The following FMN1 variants were observed in gnomAD, a reference collection of about 807,000 sequenced individuals.
FMN1 encodes formin 1.
A neutral mutation model predicts 132.4 loss-of-function variants in FMN1; 110 were observed. The ratio of observed to expected loss-of-function variants is 0.83; its 90% CI spans 0.71 to 0.97. The LOEUF (loss-of-function observed/expected upper bound fraction) is 0.97. FMN1 is among the 50% of genes least tolerant of loss of function. The probability of loss-of-function intolerance (pLI) is 0.00; values close to 1 mark genes in which losing one functional copy is unlikely to be tolerated. For missense variants in FMN1, 1,792 were observed against 1,705.3 expected (o/e 1.05, Z -0.90); for synonymous variants, 722 against 651.7 (o/e 1.11, Z -1.64).
chr15:33,127,891 T>C (rs1188365375), intron 4 of FMN1, among the ~76,000 whole-genome samples: 1 of 151,930 alleles, frequency 6.6e-6, no homozygotes, highest in Non-Finnish European at 1.5e-5. Flanking sequence ...CTTATGCCTC[T>C]CTTTATTCTA....
chr15:32,899,739 A>G (rs2060248938), intron 14 of FMN1: 1 of 554,520 alleles, frequency 1.8e-6, no homozygotes, highest in African/African-American at 1.9e-5. Context: ...TGTATGTCAG[A>G]GCACACGAAG....
intron 19 of FMN1, among the ~76,000 whole-genome samples, chr15:32,784,143 A>C (rs1031356022): frequency 3.9e-5 from 6 of 152,170 alleles, no homozygotes; most frequent in Admixed American, 3.9e-4. Flanking sequence ...AAGAGTGTTC[A>C]GGCTGCTTTA....
chr15:32,820,518 C>A (rs1034109949), intron 17 of FMN1, among the ~76,000 whole-genome samples: 2 of 151,554 alleles, frequency 1.3e-5, no homozygotes, highest in African/African-American at 4.8e-5. Context: ...TCCCCCAACA[C>A]ATATATATAT....
chr15:33,021,766 T>C (rs545357689), intron 6 of FMN1, among the ~76,000 whole-genome samples: 1 of 152,328 alleles, frequency 6.6e-6, no homozygotes, highest in South Asian at 2.1e-4. Flanking sequence ...TCTTTTCTGT[T>C]ACCCTTGTTT....
intron 4 of FMN1, among the ~76,000 whole-genome samples, chr15:33,121,687 C>T (rs111445153): frequency 0.057 from 8,648 of 151,308 alleles, 268 homozygotes; most frequent in Middle Eastern, 0.11. Flanking sequence ...AGCCACCATG[C>T]CCAGCTTCTT....
At chr15:33,184,792 C>A (rs1965823871) in intron 2 of FMN1, among the ~76,000 whole-genome samples, 1 of 152,194 alleles carries the variant, frequency 6.6e-6, no homozygotes, top group Non-Finnish European at 1.5e-5. Context: ...GTAAGAACCA[C>A]CGCGCCCAGC....
intron 6 of FMN1, among the ~76,000 whole-genome samples, chr15:33,048,645 A>AAAAAAAAAAAAAC (rs1566865413): frequency 1.2e-5 from 1 of 83,130 alleles, no homozygotes; most frequent in African/African-American, 4.3e-5. Flanking sequence ...AAAAAAAAAA[A>AAAAAAAAAAAAAC]AAAACCAACA....
rs559479451 is a variant in FMN1 at position 32,807,095 on chromosome 15, T to C, written c.3929-2763A>G. ...TCATTTTAGCTTAAAAATGCATATATTGGATAAAGCTTGCTTAAAAAGAGA... is the reference window on the plus strand; with the variant it reads ...TCATTTTAGCTTAAAAATGCATATACTGGATAAAGCTTGCTTAAAAAGAGA... On this transcript the variant is annotated intron_variant, in intron 17 of 20. Transcript: ENST00000616417. Among the ~76,000 whole-genome samples the C allele has an allele frequency of 5.3e-5, 8 of 152,322 alleles. No individual in the cohort carries two copies. In the South Asian group the frequency reaches 8.3e-4, roughly 16 times the overall value.
At chr15:32,866,034 G>C (rs1165574787) in intron 16 of FMN1, among the ~76,000 whole-genome samples, 2 of 151,758 alleles carry the variant, frequency 1.3e-5, no homozygotes, top group Non-Finnish European at 2.9e-5. Flanking sequence ...TGGTACATTA[G>C]AAAAATTTCC....
chr15:32,784,450 T>A (rs916022521), intron 19 of FMN1, among the ~76,000 whole-genome samples: 2 of 150,384 alleles, frequency 1.3e-5, no homozygotes, highest in Non-Finnish European at 2.9e-5. Flanking sequence ...AAAACAAACC[T>A]TCCTCTTCAG....
At chr15:32,935,701 C>T (rs2061250470) in intron 9 of FMN1, among the ~76,000 whole-genome samples, 1 of 151,876 alleles carries the variant, frequency 6.6e-6, no homozygotes, top group South Asian at 2.1e-4. Context: ...GATCTTGGCT[C>T]ACTGTAACCT....
intron 18 of FMN1, among the ~76,000 whole-genome samples, chr15:32,799,781 C>T (rs2057416281): frequency 6.6e-6 from 1 of 152,210 alleles, no homozygotes; most frequent in African/African-American, 2.4e-5. Context: ...ACTAGCTTTG[C>T]AGCAATTTAC....
At chr15:33,140,770 G>A (rs1351518756) in intron 4 of FMN1, among the ~76,000 whole-genome samples, 2 of 152,212 alleles carry the variant, frequency 1.3e-5, no homozygotes, top group African/African-American at 2.4e-5. Context: ...GAAACAGCAT[G>A]TGCAAAGGCA....
At chr15:33,037,816 A>T (rs899680872) in intron 6 of FMN1, among the ~76,000 whole-genome samples, 2 of 152,252 alleles carry the variant, frequency 1.3e-5, no homozygotes, top group African/African-American at 4.8e-5. Context: ...ACACTTACTA[A>T]GATTTTTCTG....
chr15:32,965,131 C>T (rs1468713972), intron 8 of FMN1, among the ~76,000 whole-genome samples: 1 of 152,150 alleles, frequency 6.6e-6, no homozygotes, highest in African/African-American at 2.4e-5. Context: ...GGCATGGTAG[C>T]TCACACCTGT....
intron 6 of FMN1, chr15:33,013,105 G>C: frequency 2.4e-6 from 1 of 411,388 alleles, no homozygotes; most frequent in Non-Finnish European, 4.8e-6. Context: ...GGAGAGTAGA[G>C]CCAGAGAAGT....
intron 7 of FMN1, chr15:32,970,746 G>C (rs1425388602): frequency 6.6e-6 from 1 of 151,024 alleles, no homozygotes; most frequent in East Asian, 1.9e-4. Flanking sequence ...TGTTTGCATA[G>C]TTCAGCAGAT....
chr15:32,922,574 AAAG>A (rs148007470), intron 10 of FMN1, among the ~76,000 whole-genome samples: 4,683 of 152,272 alleles, frequency 0.031, 142 homozygotes, highest in African/African-American at 0.08. Flanking sequence ...TCCTCTTACA[AAAG>A]AAGAAGAGAA....
At chr15:33,192,711 A>C (rs1034480187) in intron 2 of FMN1, among the ~76,000 whole-genome samples, 1 of 152,226 alleles carries the variant, frequency 6.6e-6, no homozygotes, top group African/African-American at 2.4e-5. Flanking sequence ...ACACCTAAAA[A>C]GGATAAAGAC....
Sources: allele counts gnomAD v4.1 joint callset (sites outside exome capture counted in the v4.1 genomes callset), GRCh38; gene constraint gnomAD v4.1.1; transcripts MANE v1.5; gene names NCBI Gene and HGNC (gene_info 2026-07-23, HGNC 2026-07-21).